Variants in TGM2 observed in about 807,000 individuals in gnomAD.
TGM2 encodes transglutaminase 2.
In TGM2, 53 loss-of-function variants were observed where a neutral mutation model predicts 75.6. The observed-to-expected ratio is 0.70, with a 90% CI of 0.56 to 0.88. The LOEUF (loss-of-function observed/expected upper bound fraction) is 0.88, where lower values mean the gene tolerates loss of function less well. TGM2 is among the 40% of genes least tolerant of loss of function. The pLI is 0.00. For missense variants in TGM2, 842 were observed against 928.5 expected (o/e 0.91, Z 1.21); for synonymous variants, 374 against 381.1 (o/e 0.98, Z 0.22).
In TGM2 at chr20:38,146,883, G is replaced by C. The variant is rs538813303; in HGVS notation, c.693C>G (p.Asn231Lys). Reference protein sequence around the residue: ...GRVVSGMVNCNDDQGVLLGRW... With the variant: ...GRVVSGMVNCKDDQGVLLGRW... ...GTCCCAGCAGCACACCCTGGTCATC[G>C]TTGCAGTTGACCTGCAACCAGTGGG... The change falls in exon 6 of 13, where the codon AAC becomes AAG. Residue 231 changes from asparagine (N) to lysine (K), a missense_variant. Asn to Lys is a moderately conservative substitution (Grantham distance 94). Coordinates refer to ENST00000361475, the MANE Select transcript of TGM2 (RefSeq NM_004613.4). 1 of 1,613,122 alleles carries C rather than the reference G, an allele frequency of 6.2e-7. No homozygotes were observed. Among genetic ancestry groups the C allele is most frequent in the Admixed American group, 1.7e-5 (1 of 60,026 alleles).
At chr20:38,165,312 G>A (rs2075300035), upstream of TGM2, 1 of 1,524,250 alleles carries the variant, frequency 6.6e-7, no homozygotes, top group African/African-American at 1.4e-5. Flanking sequence ...CCGCTTTGGG[G>A]CGGGCCGGGG....
At chr20:38,154,169 T>A (rs2075153271) in intron 3 of TGM2, among the ~76,000 whole-genome samples, 1 of 152,152 alleles carries the variant, frequency 6.6e-6, no homozygotes, top group Non-Finnish European at 1.5e-5. Context: ...TGTCATGGTT[T>A]ACTGTTATAC....
At position 38,139,491 on chromosome 20, in the gene TGM2, G is replaced by A. The variant is rs753541455; in HGVS notation, c.1263C>T (p.Ile421=). 47 of 1,614,056 alleles carry A rather than the reference G, an allele frequency of 2.9e-5. No homozygotes were observed. Among genetic ancestry groups the A allele is most frequent in the South Asian group, 1.8e-4 (16 of 91,080 alleles). The part of the protein sequence containing the change: ...SVHKSINRSL[I]VGLKISTKSV... ...TCTTAGTGCTGATCTTCAGCCCAAC[G>A]ATCAGGGAACGGTTGATGGATTTGT... The change falls in exon 9 of 13, where the codon ATC becomes ATT. Residue 421 remains isoleucine, a synonymous_variant. Transcript: ENST00000361475.
intron 12 of TGM2, among the ~76,000 whole-genome samples, chr20:38,130,786 CAT>C (rs1383128357): frequency 6.6e-6 from 1 of 152,170 alleles, no homozygotes; most frequent in East Asian, 1.9e-4. Flanking sequence ...TGTGCATGCT[CAT>C]GTGTGGACAT....
chr20:38,130,399 G>C (rs571444105), intron 12 of TGM2, 30 bp from the exon 13 acceptor site: 8 of 1,566,290 alleles, frequency 5.1e-6, no homozygotes, highest in Non-Finnish European at 6.1e-6. Flanking sequence ...GGTGAGGAAA[G>C]GGGCCCAAGG....
chr20:38,148,179 C>T, intron 4 of TGM2, 90 bp from the exon 5 acceptor site: 1 of 1,543,906 alleles, frequency 6.5e-7, no homozygotes, highest in Non-Finnish European at 8.9e-7. Context: ...AGCTGTTTCC[C>T]ACTCTGTCCC....
intron 1 of TGM2, among the ~76,000 whole-genome samples, chr20:38,163,041 G>T (rs973406769): frequency 6.6e-6 from 1 of 152,304 alleles, no homozygotes; most frequent in East Asian, 1.9e-4. Flanking sequence ...GAGTCTAGAA[G>T]ATGTGTTGGG....
intron 6 of TGM2, among the ~76,000 whole-genome samples, chr20:38,143,881 C>T (rs1014338066): frequency 2.6e-5 from 4 of 152,292 alleles, no homozygotes; most frequent in Non-Finnish European, 5.9e-5. Context: ...AGGGTAAGAG[C>T]TTACTGGTTG....
chr20:38,153,546 A>T (rs1048106650), intron 3 of TGM2, among the ~76,000 whole-genome samples: 29 of 151,784 alleles, frequency 1.9e-4, no homozygotes, highest in African/African-American at 7.0e-4. Context: ...AAAAAAAAAA[A>T]GAATGAATGA....
intron 10 of TGM2, among the ~76,000 whole-genome samples, chr20:38,136,326 C>T (rs2074900194): frequency 6.6e-6 from 1 of 152,216 alleles, no homozygotes; most frequent in African/African-American, 2.4e-5. Context: ...AGGGTCCAGG[C>T]ACTGTCATAG....
chr20:38,147,203 GT>G (rs923159835), intron 5 of TGM2, among the ~76,000 whole-genome samples: 8 of 152,098 alleles, frequency 5.3e-5, no homozygotes, highest in Non-Finnish European at 5.9e-5. Flanking sequence ...TGTGATCTAA[GT>G]TTTACAAAGA....
chr20:38,140,817 T>C (rs774813915), intron 8 of TGM2, among the ~76,000 whole-genome samples: 2 of 152,250 alleles, frequency 1.3e-5, no homozygotes, highest in African/African-American at 2.4e-5. Flanking sequence ...TTATATTTTA[T>C]ACATTTAAAA....
chr20:38,141,931 C>T, intron 7 of TGM2, 133 bp downstream of exon 7: 3 of 1,121,060 alleles, frequency 2.7e-6, no homozygotes, highest in Non-Finnish European at 3.9e-6. Context: ...TAGGCCTTCC[C>T]CAAGCCTGCT....
upstream of TGM2, among the ~76,000 whole-genome samples, chr20:38,165,671 A>AACAC (rs71833660): frequency 0.27 from 38,615 of 142,996 alleles, 5,658 homozygotes; most frequent in Non-Finnish European, 0.35. Flanking sequence ...CCCCACCCCC[A>AACAC]ACACACACAC....
intron 6 of TGM2, chr20:38,146,449 T>G: frequency 3.7e-6 from 2 of 538,844 alleles, no homozygotes; most frequent in Non-Finnish European, 6.7e-6. Flanking sequence ...AAATCCTGAG[T>G]TTTTGAGAAC....
At chr20:38,165,160 G>A in intron 1 of TGM2, 29 bp downstream of exon 1, 8 of 1,613,404 alleles carry the variant, frequency 5.0e-6, no homozygotes, top group Non-Finnish European at 6.8e-6. Flanking sequence ...GGGCCCCTGA[G>A]TGGCGGCTGC....
intron 2 of TGM2, among the ~76,000 whole-genome samples, chr20:38,156,441 G>A (rs1165552108): frequency 6.6e-6 from 1 of 152,270 alleles, no homozygotes; most frequent in East Asian, 1.9e-4. Context: ...CTCTCTCTGG[G>A]ATCACCTGGC....
chr20:38,148,191 C>T (rs2075070043), intron 4 of TGM2, 102 bp from the exon 5 acceptor site: 2 of 1,492,420 alleles, frequency 1.3e-6, no homozygotes, highest in African/African-American at 1.4e-5. Context: ...CTCTGTCCCA[C>T]ACAGCAGACT....
intron 4 of TGM2, among the ~76,000 whole-genome samples, chr20:38,149,627 C>T (rs541838192): frequency 8.5e-4 from 121 of 142,182 alleles, no homozygotes; most frequent in Admixed American, 2.0e-3. Flanking sequence ...TGTAGTGAGC[C>T]GAGATTGCAC....
Sources: gnomAD v4.1 joint callset for allele counts (sites outside exome capture counted in the v4.1 genomes callset) on GRCh38, gnomAD v4.1.1 for gene constraint, MANE v1.5 for transcripts, NCBI Gene and HGNC (gene_info 2026-07-23, HGNC 2026-07-21) for gene names.